Variants in CCDC81 observed in about 807,000 individuals in gnomAD.
CCDC81 encodes the protein coiled-coil domain containing 81.
A neutral mutation model predicts 83.7 loss-of-function variants in CCDC81; 79 were observed. The observed-to-expected ratio is 0.94, with a 90% CI of 0.79 to 1.14. The LOEUF is 1.14. Among genes scored for constraint, CCDC81 ranks in the 50% most tolerant of loss-of-function variants. The probability of loss-of-function intolerance (pLI) is 0.00; values close to 1 mark genes in which losing one functional copy is unlikely to be tolerated. For missense variants in CCDC81, 791 were observed against 778.1 expected, an observed-to-expected ratio of 1.02 and a Z score of -0.20; for synonymous variants, 252 against 278.1, an observed-to-expected ratio of 0.91 and a Z score of 0.93.
chr11:86,421,987 C>T (rs12280555), intron 14 of CCDC81, among the ~76,000 whole-genome samples: 15,796 of 151,504 alleles, frequency 0.1, 1,331 homozygotes, highest in African/African-American at 0.23. Context: ...TTTTGCGTAA[C>T]GAAGAAAAAC....
intron 13 of CCDC81, chr11:86,419,203 T>G (rs1340347958): frequency 6.6e-6 from 1 of 152,228 alleles, no homozygotes; most frequent in South Asian, 2.1e-4. Flanking sequence ...TAGATTTCAG[T>G]GAGAACTGAC....
chr11:86,406,951 AC>A (rs1294535250), intron 7 of CCDC81, among the ~76,000 whole-genome samples: 35 of 152,222 alleles, frequency 2.3e-4, no homozygotes, highest in African/African-American at 8.4e-4. Flanking sequence ...TCCCTCCACC[AC>A]ACTGACCATA....
rs559164542 is a variant in CCDC81, at chr11:86,381,173, C to T, written c.80-4878C>T. Among the ~76,000 whole-genome samples, 6 of 152,246 alleles carry T rather than the reference C, an allele frequency of 3.9e-5. No homozygotes were observed. The South Asian group carries it at 1.2e-3, about 32-fold the overall frequency. On this transcript the variant is annotated intron_variant, in intron 1 of 14. Transcript: ENST00000445632. ...TTTACAAATGTTTCTCAGATTTTTC[C>T]TTTCTCCTTAGGTGGGACAGAATGG...
intron 4 of CCDC81, among the ~76,000 whole-genome samples, chr11:86,394,148 C>G (rs989394509): frequency 6.6e-6 from 1 of 152,226 alleles, no homozygotes; most frequent in African/African-American, 2.4e-5. Flanking sequence ...AGTCCATAAG[C>G]AAGGCCAAAG....
intron 8 of CCDC81, 92 bp from the exon 9 acceptor site, chr11:86,408,035 A>C: frequency 7.8e-7 from 1 of 1,276,582 alleles, no homozygotes; most frequent in Non-Finnish European, 1.1e-6. Context: ...AGGTTTCTTG[A>C]TATACCTAGC....
chr11:86,407,956 C>T (rs1288509811), intron 8 of CCDC81, among the ~76,000 whole-genome samples, 171 bp from the exon 9 acceptor site: 1 of 152,164 alleles, frequency 6.6e-6, no homozygotes, highest in African/African-American at 2.4e-5. Flanking sequence ...TTCAGAAGAT[C>T]CTTTAGAGTA....
intron 1 of CCDC81, among the ~76,000 whole-genome samples, chr11:86,385,059 GC>G (rs202230045): frequency 0.14 from 21,026 of 152,202 alleles, 1,620 homozygotes; most frequent in East Asian, 0.21. Context: ...TCAAAGTAAA[GC>G]TCCTTGTCCT....
At chr11:86,403,026 T>C (rs1278983949) in intron 7 of CCDC81, among the ~76,000 whole-genome samples, 1 of 148,064 alleles carries the variant, frequency 6.8e-6, no homozygotes, top group East Asian at 2.0e-4. Flanking sequence ...TTTTTTTTTT[T>C]TTTTTTTTGT....
At chr11:86,387,474 C>T (rs1390503182) in intron 2 of CCDC81, 42 bp from the exon 3 acceptor site, 7 of 1,587,988 alleles carry the variant, frequency 4.4e-6, no homozygotes, top group Admixed American at 1.7e-5. Context: ...TTTTTCTTCA[C>T]TCCTTCAATG....
intron 4 of CCDC81, chr11:86,395,052 G>C: frequency 4.2e-6 from 1 of 239,032 alleles, no homozygotes; most frequent in Non-Finnish European, 8.0e-6. Flanking sequence ...TCTTCTTAAA[G>C]ACATCTAAAA....
intron 11 of CCDC81, among the ~76,000 whole-genome samples, chr11:86,412,930 G>A (rs1948667223): frequency 6.6e-6 from 1 of 152,214 alleles, no homozygotes; most frequent in African/African-American, 2.4e-5. Flanking sequence ...GGTGGCTTGT[G>A]TTAGTCAGCG....
At chr11:86,382,846 G>C (rs1372600432) in intron 1 of CCDC81, among the ~76,000 whole-genome samples, 1 of 152,170 alleles carries the variant, frequency 6.6e-6, no homozygotes, top group Non-Finnish European at 1.5e-5. Flanking sequence ...AAGGAGAGGT[G>C]CTTAAACGGG....
chr11:86,400,603 C>G, intron 6 of CCDC81, 75 bp from the exon 7 acceptor site: 1 of 1,404,414 alleles, frequency 7.1e-7, no homozygotes, highest in Non-Finnish European at 9.7e-7. Flanking sequence ...TGAAAATTTC[C>G]CTTGGTAAAA....
intron 3 of CCDC81, among the ~76,000 whole-genome samples, chr11:86,390,114 GA>G (rs1034531518): frequency 2.0e-5 from 3 of 151,676 alleles, no homozygotes; most frequent in South Asian, 4.2e-4. Flanking sequence ...AAGAAAAAAA[GA>G]AAAAAAATAT....
At chr11:86,400,903 A>G in intron 7 of CCDC81, 102 bp downstream of exon 7, 1 of 1,243,882 alleles carries the variant, frequency 8.0e-7, no homozygotes, top group Non-Finnish European at 1.1e-6. Flanking sequence ...TCATTTATCC[A>G]GTGTTCTTTA....
chr11:86,400,604 C>A, intron 6 of CCDC81, 74 bp from the exon 7 acceptor site: 1 of 1,421,964 alleles, frequency 7.0e-7, no homozygotes, highest in Non-Finnish European at 9.5e-7. Context: ...GAAAATTTCC[C>A]TTGGTAAAAA....
chr11:86,419,795 G>A, intron 13 of CCDC81, 133 bp from the exon 14 acceptor site: 1 of 834,084 alleles, frequency 1.2e-6, no homozygotes, highest in Non-Finnish European at 1.7e-6. Flanking sequence ...CAGTGTTCAT[G>A]CTTTTTAGTA....
At chr11:86,422,482 TC>T (rs1948806112) in intron 14 of CCDC81, 91 bp from the exon 15 acceptor site, 6 of 1,191,250 alleles carry the variant, frequency 5.0e-6, no homozygotes, top group Non-Finnish European at 7.2e-6. Context: ...GTGTCACTTT[TC>T]TTTTGTGTAC....
At chr11:86,391,230 G>C (rs569098828) in intron 3 of CCDC81, among the ~76,000 whole-genome samples, 4 of 152,316 alleles carry the variant, frequency 2.6e-5, no homozygotes, top group South Asian at 2.1e-4. Flanking sequence ...TTTAAAAATG[G>C]AGGGTGGTGG....
Sources: allele counts gnomAD v4.1 joint callset (sites outside exome capture counted in the v4.1 genomes callset), GRCh38; gene constraint gnomAD v4.1.1; transcripts MANE v1.5; gene names NCBI Gene and HGNC (gene_info 2026-07-23, HGNC 2026-07-21).